KLHL29: variants seen among roughly 807,000 people sequenced by gnomAD.
The protein encoded by KLHL29 is kelch-like protein 29.
Under a neutral mutation model 80.4 loss-of-function variants are expected in KLHL29, and 21 were observed. The ratio of observed to expected loss-of-function variants is 0.26; its 90% CI spans 0.19 to 0.38. KLHL29 has a LOEUF of 0.38. KLHL29 is among the 10% of genes least tolerant of loss of function. KLHL29 has a pLI of 1.00. For missense variants in KLHL29, 867 were observed against 1,223.9 expected (o/e 0.71, Z 4.35); for synonymous variants, 511 against 526.8 (o/e 0.97, Z 0.41).
At chr2:23,626,736 C>T (rs534455258) in intron 3 of KLHL29, among the ~76,000 whole-genome samples, 5 of 152,330 alleles carry the variant, frequency 3.3e-5, no homozygotes, top group South Asian at 4.1e-4. Flanking sequence ...GCGTGGATGA[C>T]GCCCCTGCAG....
intron 2 of KLHL29, among the ~76,000 whole-genome samples, chr2:23,507,651 G>T (rs1665643115): frequency 6.6e-6 from 1 of 152,186 alleles, no homozygotes; most frequent in South Asian, 2.1e-4. Flanking sequence ...CCTAGATAGG[G>T]ACCCAGGATG....
intron 8 of KLHL29, among the ~76,000 whole-genome samples, chr2:23,694,209 C>T (rs888694965): frequency 2.0e-5 from 3 of 152,244 alleles, no homozygotes; most frequent in Non-Finnish European, 2.9e-5. Context: ...TTCACCAAGC[C>T]GAAAGCCTAC....
chr2:23,696,352 G>A lies in KLHL29; in HGVS notation c.1944G>A (p.Val648=). The part of the protein sequence containing the change: ...IYLSGGMESG[V]TLADVWCYMS... ...CTCCAGGTGGGATGGAATCAGGGGTGACGCTGGCTGATGTCTGGTGCTACA... is the reference window on the plus strand; with the variant it reads ...CTCCAGGTGGGATGGAATCAGGGGTAACGCTGGCTGATGTCTGGTGCTACA... The change falls in exon 11 of 14, where the codon GTG becomes GTA. Residue 648 remains valine, a synonymous_variant. Transcript: ENST00000486442. The surrounding 1 kb of genome is among the most constrained non-coding windows in gnomAD (Gnocchi z 5.5). The A allele has an allele frequency of 6.4e-7, 1 of 1,551,588 alleles. No homozygotes were observed. Among genetic ancestry groups the A allele is most frequent in the Non-Finnish European group, 8.7e-7 (1 of 1,146,968 alleles).
chr2:23,442,732 C>T (rs113495796), intron 1 of KLHL29, among the ~76,000 whole-genome samples: 1,845 of 152,144 alleles, frequency 0.012, 15 homozygotes, highest in Admixed American at 0.018. Flanking sequence ...GAAACAAATG[C>T]ACATGTACAA....
chr2:23,706,830 C>CAAAGGCGAGGATGATT lies in KLHL29; in HGVS notation c.*166_*167insAAAGGCGAGGATGATT. 1 of 554,942 alleles carries CAAAGGCGAGGATGATT rather than the reference C, an allele frequency of 1.8e-6. No homozygotes were observed. Among genetic ancestry groups the CAAAGGCGAGGATGATT allele is most frequent in the Non-Finnish European group, 3.0e-6 (1 of 335,720 alleles). The allele number at this position is 554,942 out of a possible 1,614,324, so 34.4% of individuals were successfully genotyped here. A position where few individuals can be genotyped will look rare whatever the true frequency, so the allele number is the denominator to read the frequency against. The stretch of plus-strand genomic sequence containing the variant: ...TCTACATTGAATGTAGAAAATCATC[C>CAAAGGCGAGGATGATT]TCGCCTTTGGATGAAACGGAGGCAC... On this transcript the variant is annotated 3_prime_UTR_variant, in exon 14 of 14. Transcript: ENST00000486442.
chr2:23,543,451 T>C (rs1026271178), intron 2 of KLHL29, among the ~76,000 whole-genome samples: 1 of 152,064 alleles, frequency 6.6e-6, no homozygotes, highest in African/African-American at 2.4e-5. Context: ...CCCCAGTAGG[T>C]AGGGGGATAT....
chr2:23,385,911 T>TCGG (rs35522709), intron 1 of KLHL29, 131 bp downstream of exon 1: 41,983 of 151,840 alleles, frequency 0.28, 6,498 homozygotes, highest in South Asian at 0.41. Flanking sequence ...GGGCTCGGCT[T>TCGG]CGGCGGCGGC....
chr2:23,688,861 A>T (rs1671402696), intron 6 of KLHL29: 1 of 152,326 alleles, frequency 6.6e-6, no homozygotes. Flanking sequence ...TGGGGCAGGG[A>T]CAGAACAGCC....
intron 3 of KLHL29, among the ~76,000 whole-genome samples, chr2:23,580,033 A>T (rs1042250026): frequency 1.3e-5 from 2 of 152,340 alleles, no homozygotes; most frequent in East Asian, 3.9e-4. Flanking sequence ...CATCTATAAA[A>T]TGGAGATAAC....
chr2:23,639,213 C>G lies in KLHL29; in HGVS notation c.360C>G (p.Ile120Met). The G allele has an allele frequency of 6.5e-7, 1 of 1,548,006 alleles. No homozygotes were observed. The highest frequency in any genetic ancestry group is 8.7e-7 in the Non-Finnish European group (1 of 1,145,398). The stretch of plus-strand genomic sequence containing the variant: ...GCATCCGGTGGGGGCAGACGCCTAT[C>G]AATCAGTCCACACCCTGGGACACTG... ...ATSIRWGQTP[I>M]NQSTPWDTDE... is the part of the protein sequence containing the mutation. Residue 120 changes from isoleucine (I) to methionine (M), a missense_variant, in exon 4 of 14, where the codon ATC (isoleucine) becomes ATG (methionine). This residue lies in a region of KLHL29 where 424 missense variants were observed against 456.9 expected (regional missense o/e 0.93). Coordinates refer to ENST00000486442, the MANE Select transcript of KLHL29 (RefSeq NM_052920.2).
intron 1 of KLHL29, among the ~76,000 whole-genome samples, chr2:23,449,759 G>C (rs986847655): frequency 6.6e-6 from 1 of 152,218 alleles, no homozygotes; most frequent in South Asian, 2.1e-4. Context: ...AGAACCTTAG[G>C]CACAATGTTT....
intron 2 of KLHL29, among the ~76,000 whole-genome samples, chr2:23,539,742 A>ATT (rs1666780283): frequency 6.6e-6 from 1 of 151,932 alleles, no homozygotes; most frequent in Non-Finnish European, 1.5e-5. Context: ...GCACCTGGCC[A>ATT]TTATCCTACC....
intron 2 of KLHL29, among the ~76,000 whole-genome samples, chr2:23,536,739 C>T (rs1311798704): frequency 1.3e-5 from 2 of 152,090 alleles, no homozygotes; most frequent in South Asian, 2.1e-4. Context: ...TGGAAGGGCC[C>T]GAGCCTGTGC....
chr2:23,520,949 T>TC (rs1381345386), intron 2 of KLHL29, among the ~76,000 whole-genome samples: 2 of 149,926 alleles, frequency 1.3e-5, no homozygotes, highest in Non-Finnish European at 2.9e-5. Context: ...TCTTCTTTCC[T>TC]CCATATACAA....
At chr2:23,573,060 G>GC (rs55678307) in intron 3 of KLHL29, among the ~76,000 whole-genome samples, 152,292 of 152,294 alleles carry the variant, frequency 1, 76,145 homozygotes, top group Non-Finnish European at 1. Flanking sequence ...CTAGCATGAA[G>GC]CCTCACGGGT....
intron 2 of KLHL29, among the ~76,000 whole-genome samples, chr2:23,541,316 T>C (rs1666826988): frequency 2.0e-5 from 3 of 152,162 alleles, no homozygotes; most frequent in Non-Finnish European, 4.4e-5. Context: ...AGATGGGCAG[T>C]TATATGCCTA....
chr2:23,521,326 C>A (rs934323506), intron 2 of KLHL29, among the ~76,000 whole-genome samples: 2 of 152,208 alleles, frequency 1.3e-5, no homozygotes, highest in African/African-American at 4.8e-5. Flanking sequence ...ACATGGCACC[C>A]TTGGAGGCGA....
At chr2:23,451,310 T>C (rs1173065460) in intron 1 of KLHL29, among the ~76,000 whole-genome samples, 1 of 152,226 alleles carries the variant, frequency 6.6e-6, no homozygotes, top group East Asian at 1.9e-4. Context: ...TGGAACACAG[T>C]AGGGACCCAG....
intron 1 of KLHL29, among the ~76,000 whole-genome samples, chr2:23,408,892 C>T (rs1310967181): frequency 6.6e-6 from 1 of 152,142 alleles, no homozygotes; most frequent in Admixed American, 6.5e-5. Context: ...GTGCAATAAT[C>T]CCTCCTTGTA....
Sources: gnomAD v4.1 joint callset for allele counts (sites outside exome capture counted in the v4.1 genomes callset) on GRCh38, gnomAD v4.1.1 for gene constraint, gnomAD v4.1.1 regional missense constraint, Gnocchi (gnomAD v3.1) non-coding constraint, MANE v1.5 for transcripts, NCBI Gene and HGNC (gene_info 2026-07-23, HGNC 2026-07-21) for gene names.